The following NEB variants were observed in gnomAD, a reference collection of about 807,000 sequenced individuals.
NEB encodes the protein nebulin.
NEB carries 512 observed loss-of-function variants against 952.2 expected under a neutral mutation model. That is an observed-to-expected ratio of 0.54 (90% CI 0.50 to 0.58). The LOEUF (loss-of-function observed/expected upper bound fraction) is 0.58, where lower values mean the gene tolerates loss of function less well. Among genes scored for constraint, NEB ranks in the 20% least tolerant of loss-of-function variants. NEB has a pLI of 0.00. For synonymous variants in NEB, 2,900 were observed against 3,149.8 expected (o/e 0.92, Z 2.66); for missense variants, 8,428 against 9,231.1 (o/e 0.91, Z 3.56).
chr2:151,708,949 C>G (rs555046947), intron 12 of NEB, among the ~76,000 whole-genome samples: 2 of 152,236 alleles, frequency 1.3e-5, no homozygotes, highest in Non-Finnish European at 2.9e-5. Context: ...CCGTCTTACA[C>G]GTGGATGCTG....
At chr2:151,627,933 C>A (rs2098555009) in intron 68 of NEB, 99 bp from the exon 69 acceptor site, 3 of 1,422,370 alleles carry the variant, frequency 2.1e-6, no homozygotes, top group Non-Finnish European at 1.9e-6. Context: ...CTAATTCTTG[C>A]AGAGTAATGA....
chr2:151,655,672 A>G, intron 50 of NEB, 145 bp downstream of exon 50: 1 of 764,858 alleles, frequency 1.3e-6, no homozygotes, highest in Admixed American at 2.9e-5. Flanking sequence ...AGATGGGCAG[A>G]AGAAGATGGT....
At chr2:151,711,549 A>G (rs2099745359) in intron 10 of NEB, among the ~76,000 whole-genome samples, 1 of 152,316 alleles carries the variant, frequency 6.6e-6, no homozygotes, top group Admixed American at 6.5e-5. Context: ...CTTTCTTCTC[A>G]AAAGGTTAAT....
At position 151,663,782 on chromosome 2, in the gene NEB, C is replaced by G. The variant is rs1575526818; in HGVS notation, c.5529G>C (p.Leu1843=). The change falls in exon 45 of 182, where the codon CTG becomes CTC. Residue 1843 remains leucine, a synonymous_variant. Coordinates refer to ENST00000397345, the MANE Select transcript of NEB (RefSeq NM_001164508.2). The stretch of plus-strand genomic sequence containing the variant: ...TCTTGGCCACTTGCATGAAGTGCAC[C>G]AGCTTGGGGTCATCTTCCAGGCTCC... ...GFRSLEDDPK[L]VHFMQVAKMQ... The G allele has an allele frequency of 6.2e-7, 1 of 1,613,816 alleles. No homozygotes were observed. Among genetic ancestry groups the G allele is most frequent in the East Asian group, 2.2e-5 (1 of 44,880 alleles).
chr2:151,570,682 A>G, intron 107 of NEB, 81 bp from the exon 108 acceptor site: 1 of 1,281,036 alleles, frequency 7.8e-7, no homozygotes, highest in Non-Finnish European at 1.1e-6. Flanking sequence ...TTAATACCAC[A>G]GGGGCACAGT....
At chr2:151,574,259 C>G (rs2096752496) in intron 107 of NEB, among the ~76,000 whole-genome samples, 1 of 152,220 alleles carries the variant, frequency 6.6e-6, no homozygotes, top group Non-Finnish European at 1.5e-5. Context: ...CAGGCGTGAG[C>G]CATCGCGCCA....
chr2:151,617,391 G>A lies in NEB; in HGVS notation c.11154C>T (p.Ala3718=). The A allele has an allele frequency of 6.4e-7, 1 of 1,565,916 alleles. No individual in the cohort carries two copies. Among genetic ancestry groups the A allele is most frequent in the Non-Finnish European group, 8.7e-7 (1 of 1,152,468 alleles). Residue 3718 remains alanine, a synonymous_variant, in exon 75 of 182, where the codon GCC becomes GCT. Transcript: ENST00000397345. ...VMPDTPEIML[A]KLNRINYSDK... ...CACTGTAGTTTATTCGGTTGAGTTT[G>A]GCTAACATGATTTCTGGTGTATCAG...
At chr2:151,507,965 G>C (rs1180638323) in intron 162 of NEB, 40 bp downstream of exon 162, 1 of 1,451,538 alleles carries the variant, frequency 6.9e-7, no homozygotes, top group Non-Finnish European at 9.5e-7. Flanking sequence ...AGCACCCCTA[G>C]GTGCCTGTGG....
intron 167 of NEB, among the ~76,000 whole-genome samples, chr2:151,501,795 G>T (rs938429489): frequency 2.6e-5 from 4 of 152,080 alleles, no homozygotes; most frequent in Non-Finnish European, 4.4e-5. Context: ...TAATATCCAT[G>T]AGTTGTTGGT....
chr2:151,540,453 G>A lies in NEB; in HGVS notation c.20788-5C>T, dbSNP rs2093888050. ...ATATTGAATCTTGTACTTTTTCTGA[G>A]AAATAAATGCAGAAGAGAGAGACAA... On this transcript the variant is annotated splice_region_variant and splice_polypyrimidine_tract_variant and intron_variant, in intron 137 of 181. Transcript: ENST00000397345. 1 of 1,543,068 alleles carries A rather than the reference G, an allele frequency of 6.5e-7. No individual in the cohort carries two copies. The highest frequency in any genetic ancestry group is 8.8e-7 in the Non-Finnish European group (1 of 1,137,192).
rs185113790 is a variant in NEB, at chr2:151,626,598, G to A, written c.10347+404C>T. Among the ~76,000 whole-genome samples, 62 of 151,360 alleles carry A rather than the reference G, an allele frequency of 4.1e-4. No homozygotes were observed. The East Asian group carries it at 9.2e-3, about 22-fold the overall frequency. ...GTCGCCCAGGCTGGAGTGCAGTGGCGCGATCTCAGCTCACTACGAGCTCCG... is the reference window on the plus strand; with the variant it reads ...GTCGCCCAGGCTGGAGTGCAGTGGCACGATCTCAGCTCACTACGAGCTCCG... On this transcript the variant is annotated intron_variant, in intron 70 of 181. Transcript: ENST00000397345.
chr2:151,487,941 G>A (rs992786087), intron 181 of NEB, among the ~76,000 whole-genome samples: 5 of 152,112 alleles, frequency 3.3e-5, no homozygotes, highest in African/African-American at 1.2e-4. Flanking sequence ...TAAAATGTTC[G>A]AATATGATAC....
Position 151,618,329 on chromosome 2 carries a change from T to C in NEB, c.11022A>G (p.Ile3674Met), listed in dbSNP as rs2098273499. The C allele has an allele frequency of 2.5e-6, 4 of 1,614,012 alleles. No homozygotes were observed. Among genetic ancestry groups the C allele is most frequent in the Non-Finnish European group, 2.5e-6 (3 of 1,179,872 alleles). ...CCAGCACCTGCTCCGGAGTGTCCGT[T>C]ATACTGGTAAATTTCAGCGTTTCTG... ...QRPETLKFTS[I>M]TDTPEQVLAK... is the part of the protein sequence containing the mutation. The change falls in exon 74 of 182, where the codon ATA becomes ATG. Residue 3674 changes from isoleucine to methionine, a missense_variant. By Grantham distance (10) the Ile-to-Met change is conservative. This residue lies in a region of NEB where 1,772 missense variants were observed against 1,960.3 expected (regional missense o/e 0.90). Coordinates refer to ENST00000397345, the MANE Select transcript of NEB (RefSeq NM_001164508.2).
At chr2:151,684,065 G>A (rs1339322878) in intron 28 of NEB, among the ~76,000 whole-genome samples, 1 of 152,076 alleles carries the variant, frequency 6.6e-6, no homozygotes, top group African/African-American at 2.4e-5. Context: ...GCTAGGGGAA[G>A]AAGGAAAATG....
In NEB at chr2:151,650,817, G is replaced by A; in HGVS notation, c.6984C>T (p.Asp2328=). 1 of 1,613,866 alleles carries A rather than the reference G, an allele frequency of 6.2e-7. No homozygotes were observed. The highest frequency in any genetic ancestry group is 1.1e-5 in the South Asian group (1 of 91,074). ...HHVGFRSLQD[D]PKLVLSMNVA... is the part of the protein sequence containing the mutation. ...CATTCATGGACAACACAAGTTTTGGGTCATCTTGCAGACTCCGGAATCCAA... is the reference window on the plus strand; with the variant it reads ...CATTCATGGACAACACAAGTTTTGGATCATCTTGCAGACTCCGGAATCCAA... The change falls in exon 53 of 182, where the codon GAC becomes GAT. Residue 2328 remains aspartate (D), a synonymous_variant. Transcript: ENST00000397345.
Position 151,667,797 on chromosome 2 carries a change from G to A in NEB, c.4719+7C>T, listed in dbSNP as rs2099239480. 1 of 1,608,080 alleles carries A rather than the reference G, an allele frequency of 6.2e-7. No homozygotes were observed. The highest frequency in any genetic ancestry group is 8.5e-7 in the Non-Finnish European group (1 of 1,175,656). On this transcript the variant is annotated splice_region_variant and intron_variant, in intron 40 of 181. Transcript: ENST00000397345. ...TAGAAAGTTTCCTACTTTTAAGTTA[G>A]ACTTACATCACTAGCAATATTCCTT... is the stretch of plus-strand genomic sequence containing the variant.
chr2:151,497,419 G>GAAAT (rs1030680774), intron 171 of NEB: 46 of 977,908 alleles, frequency 4.7e-5, no homozygotes, highest in Middle Eastern at 1.0e-3. Context: ...AATACCAGAT[G>GAAAT]AAATAAAAAA....
rs1161982541 is a variant in NEB, at chr2:151,636,352, A to G, written c.8995-18T>C. ...TACAGACTCTAAATTTGGGGGAAAA[A>G]AAATCAGATGCTGACATTTATATCT... On this transcript the variant is annotated intron_variant, in intron 63 of 181. Transcript: ENST00000397345. The G allele has an allele frequency of 3.2e-6, 5 of 1,572,646 alleles. No homozygotes were observed. The East Asian group carries it at 1.1e-4, about 35-fold the overall frequency.
At chr2:151,710,279 T>G (rs2099740852) in intron 11 of NEB, among the ~76,000 whole-genome samples, 155 bp downstream of exon 11, 1 of 152,132 alleles carries the variant, frequency 6.6e-6, no homozygotes, top group African/African-American at 2.4e-5. Context: ...TTTGGGAAAT[T>G]TCTTTCTTAA....
Sources: gnomAD v4.1 joint callset for allele counts (sites outside exome capture counted in the v4.1 genomes callset) on GRCh38, gnomAD v4.1.1 for gene constraint, gnomAD v4.1.1 regional missense constraint, MANE v1.5 for transcripts, NCBI Gene and HGNC (gene_info 2026-07-23, HGNC 2026-07-21) for gene names.